The following GRID2 variants were observed in gnomAD, a reference collection of about 807,000 sequenced individuals.
GRID2 encodes glutamate receptor ionotropic, delta-2.
Under a neutral mutation model 114.8 loss-of-function variants are expected in GRID2, and 33 were observed. The observed-to-expected ratio is 0.29, with a 90% CI of 0.22 to 0.38. GRID2 has a LOEUF of 0.38. Ranked by LOEUF, GRID2 falls within the 10% of genes least tolerant of loss-of-function variation. The probability of loss-of-function intolerance (pLI) is 1.00; values close to 1 mark genes in which losing one functional copy is unlikely to be tolerated. For missense variants in GRID2, 1,184 were observed against 1,257.7 expected, an observed-to-expected ratio of 0.94 and a Z score of 0.89; for synonymous variants, 505 against 449.9, an observed-to-expected ratio of 1.12 and a Z score of -1.55.
intron 14 of GRID2, among the ~76,000 whole-genome samples, chr4:93,753,156 C>A (rs977663698): frequency 6.6e-6 from 1 of 152,112 alleles, no homozygotes; most frequent in African/African-American, 2.4e-5. Flanking sequence ...AGCCTTCACC[C>A]AGAGCTAAAA....
intron 12 of GRID2, among the ~76,000 whole-genome samples, chr4:93,501,711 G>A (rs1728126512): frequency 6.6e-6 from 1 of 152,014 alleles, no homozygotes; most frequent in Non-Finnish European, 1.5e-5. Context: ...CCCAGGAACA[G>A]GGCTATGTTA....
chr4:93,395,574 C>A, intron 8 of GRID2, 33 bp from the exon 9 acceptor site: 2 of 938,792 alleles, frequency 2.1e-6, no homozygotes, highest in Non-Finnish European at 3.5e-6. Context: ...GTTCTTCAGG[C>A]AGAAAAATGA....
At chr4:93,717,782 T>G (rs984555065) in intron 14 of GRID2, among the ~76,000 whole-genome samples, 1 of 152,206 alleles carries the variant, frequency 6.6e-6, no homozygotes, top group African/African-American at 2.4e-5. Flanking sequence ...TAAAGAATCT[T>G]AAAAGCTTAT....
At chr4:93,395,456 C>A in intron 8 of GRID2, 151 bp from the exon 9 acceptor site, 1 of 482,942 alleles carries the variant, frequency 2.1e-6, no homozygotes, top group Non-Finnish European at 3.8e-6. Context: ...TATCTAATAA[C>A]TTCATTTCCT....
intron 13 of GRID2, among the ~76,000 whole-genome samples, chr4:93,528,296 GA>G (rs1470754395): frequency 6.6e-6 from 1 of 151,952 alleles, no homozygotes; most frequent in African/African-American, 2.4e-5. Flanking sequence ...TATATATCCA[GA>G]AGTGGAACTG....
Position 93,098,323 on chromosome 4 carries a change from A to G in GRID2, c.530-12425A>G, listed in dbSNP as rs80273813. Among the ~76,000 whole-genome samples the G allele has an allele frequency of 6.8e-3, 1,041 of 152,108 alleles. 5 individuals carry two copies. Among genetic ancestry groups the G allele is most frequent in the South Asian group, 0.02 (95 of 4,824 alleles). On this transcript the variant is annotated intron_variant, in intron 3 of 15. Transcript: ENST00000282020. ...AACCAAATGCCTTCCAAGAGGAGGC[A>G]TTGTCAAACAGGTGGATTATGGTAT...
chr4:92,642,193 T>C (rs1160862290), intron 2 of GRID2, among the ~76,000 whole-genome samples: 1 of 151,794 alleles, frequency 6.6e-6, no homozygotes, highest in African/African-American at 2.4e-5. Flanking sequence ...ATGGTGGCTC[T>C]ATTTTAAGTT....
In GRID2 at chr4:93,344,553, C is replaced by A. The variant is rs545955254; in HGVS notation, c.1246-51054C>A. Among the ~76,000 whole-genome samples the A allele has an allele frequency of 3.3e-5, 5 of 150,840 alleles. No individual in the cohort carries two copies. In the East Asian group the frequency reaches 7.8e-4, roughly 23 times the overall value. ...AAGCTAATTAACATCTATTGTTGCA[C>A]ATACTTATATTTTGTGAGAGCATTG... On this transcript the variant is annotated intron_variant, in intron 8 of 15. Coordinates refer to ENST00000282020, the MANE Select transcript of GRID2 (RefSeq NM_001510.4).
intron 14 of GRID2, among the ~76,000 whole-genome samples, chr4:93,689,176 C>A (rs1726330710): frequency 6.6e-6 from 1 of 151,994 alleles, no homozygotes; most frequent in South Asian, 2.1e-4. Flanking sequence ...CCTGCTGACA[C>A]CTTGATCTCA....
intron 3 of GRID2, among the ~76,000 whole-genome samples, chr4:93,090,619 A>C (rs1730701317): frequency 6.6e-6 from 1 of 152,202 alleles, no homozygotes; most frequent in Admixed American, 6.6e-5. Context: ...TAAATAAATA[A>C]AGGTAGCCTC....
chr4:93,482,463 AC>A (rs1725966571), intron 11 of GRID2, among the ~76,000 whole-genome samples: 1 of 152,066 alleles, frequency 6.6e-6, no homozygotes, highest in African/African-American at 2.4e-5. Flanking sequence ...ACATGTTCTC[AC>A]TCATAAGTGG....
intron 11 of GRID2, among the ~76,000 whole-genome samples, chr4:93,458,878 G>C (rs543935777): frequency 6.6e-6 from 1 of 152,050 alleles, no homozygotes; most frequent in Non-Finnish European, 1.5e-5. Flanking sequence ...CGAATGTAAA[G>C]AAGAGTAAGG....
At chr4:92,924,570 A>G (rs750105487) in intron 2 of GRID2, among the ~76,000 whole-genome samples, 2 of 152,126 alleles carry the variant, frequency 1.3e-5, no homozygotes, top group Non-Finnish European at 2.9e-5. Context: ...TGCTGCATGG[A>G]CAAACCATAG....
chr4:93,200,790 T>C (rs1416875711), intron 4 of GRID2, among the ~76,000 whole-genome samples: 1 of 152,242 alleles, frequency 6.6e-6, no homozygotes, highest in Non-Finnish European at 1.5e-5. Context: ...ACATTGATTA[T>C]AGTCTACATG....
At chr4:92,674,582 G>T (rs1462120830) in intron 2 of GRID2, among the ~76,000 whole-genome samples, 2 of 152,044 alleles carry the variant, frequency 1.3e-5, no homozygotes, top group African/African-American at 4.8e-5. Context: ...GAGTACAGTG[G>T]CACGATCTCA....
chr4:92,678,688 G>T (rs1181341153), intron 2 of GRID2, among the ~76,000 whole-genome samples: 1 of 151,592 alleles, frequency 6.6e-6, no homozygotes, highest in Admixed American at 6.6e-5. Context: ...TACTGATAAT[G>T]TATGCTTTGA....
At chr4:92,728,138 G>T (rs2149322110) in intron 2 of GRID2, among the ~76,000 whole-genome samples, 1 of 152,090 alleles carries the variant, frequency 6.6e-6, no homozygotes, top group African/African-American at 2.4e-5. Context: ...GTATTTTACT[G>T]GTAGTGAGAG....
chr4:92,567,925 G>T (rs919492227), intron 1 of GRID2, among the ~76,000 whole-genome samples: 1 of 151,994 alleles, frequency 6.6e-6, no homozygotes, highest in African/African-American at 2.4e-5. Flanking sequence ...GCATTTGAAA[G>T]AGAAGGAAAT....
At chr4:92,733,992 C>T (rs995654869) in intron 2 of GRID2, among the ~76,000 whole-genome samples, 6 of 152,030 alleles carry the variant, frequency 3.9e-5, no homozygotes, top group Admixed American at 3.3e-4. Context: ...AAGATCTATC[C>T]ACCACATCCA....
Sources: allele counts gnomAD v4.1 joint callset (sites outside exome capture counted in the v4.1 genomes callset), GRCh38; gene constraint gnomAD v4.1.1; transcripts MANE v1.5; gene names NCBI Gene and HGNC (gene_info 2026-07-23, HGNC 2026-07-21).